The following RFT1 variants were observed in gnomAD, a reference collection of about 807,000 sequenced individuals.
RFT1 encodes RFT1 glycolipid translocator homolog.
In RFT1, 43 loss-of-function variants were observed where a neutral mutation model predicts 62.2. That is an observed-to-expected ratio of 0.69 (90% confidence interval 0.54 to 0.89). RFT1 has a LOEUF of 0.89. RFT1 is among the 40% of genes least tolerant of loss of function. The pLI is 0.00. For missense variants in RFT1, 605 were observed against 649.9 expected (o/e 0.93, Z 0.75); for synonymous variants, 262 against 264.6 (o/e 0.99, Z 0.10).
At chr3:53,121,642 GA>G (rs1701970671) in intron 5 of RFT1, 56 bp downstream of exon 5, 4 of 1,397,964 alleles carry the variant, frequency 2.9e-6, no homozygotes, top group Non-Finnish European at 4.0e-6. Flanking sequence ...GGAACAAGAA[GA>G]AAAACCAGTT....
the RFT1 span, among the ~76,000 whole-genome samples, chr3:53,069,042 C>A: frequency 1.1e-4 from 16 of 152,216 alleles, no homozygotes; most frequent in African/African-American, 3.6e-4. Flanking sequence ...CAGGTTCATG[C>A]GATTCTCCTG....
At chr3:53,081,458 T>G in the RFT1 span, among the ~76,000 whole-genome samples, 2 of 152,268 alleles carry the variant, frequency 1.3e-5, no homozygotes, top group East Asian at 3.9e-4. Context: ...GTGGGTCAAG[T>G]GGACACCCAG....
chr3:53,067,644 G>A, the RFT1 span, among the ~76,000 whole-genome samples: 30 of 152,198 alleles, frequency 2.0e-4, no homozygotes, highest in Admixed American at 5.2e-4. Context: ...CCGAATGTAA[G>A]TTACTCCTCA....
chr3:53,113,222 G>A (rs529434132), intron 6 of RFT1, among the ~76,000 whole-genome samples: 94 of 152,182 alleles, frequency 6.2e-4, no homozygotes, highest in African/African-American at 2.2e-3. Context: ...TTGCTGCATT[G>A]CCCAGGCTGG....
rs566921748 is a variant in RFT1, at chr3:53,120,386, A to G, written c.559-365T>C. The stretch of plus-strand genomic sequence containing the variant: ...CCTAGTCAGCACCCTGCAAAGATCT[A>G]TGTATCCTAACTGTGTTAATATCCA... On this transcript the variant is annotated intron_variant, in intron 5 of 12. Transcript: ENST00000296292. Among the ~76,000 whole-genome samples, 26 of 152,374 alleles carry G rather than the reference A, an allele frequency of 1.7e-4. No individual in the cohort carries two copies. The East Asian group carries it at 4.6e-3, about 27-fold the overall frequency.
the RFT1 span, among the ~76,000 whole-genome samples, chr3:53,069,160 G>A: frequency 0.011 from 1,726 of 152,192 alleles, 29 homozygotes; most frequent in African/African-American, 0.039. Context: ...GACTGGTCTC[G>A]AACTTCTGAC....
At chr3:53,081,069 C>T in the RFT1 span, among the ~76,000 whole-genome samples, 1 of 152,234 alleles carries the variant, frequency 6.6e-6, no homozygotes, top group Non-Finnish European at 1.5e-5. Flanking sequence ...AGGCGAGTGC[C>T]TCCCTGGCTG....
chr3:53,099,269 T>C, intron 11 of RFT1, 112 bp downstream of exon 11: 1 of 851,336 alleles, frequency 1.2e-6, no homozygotes, highest in East Asian at 2.6e-5. Flanking sequence ...AAGTGTTGCC[T>C]CTAAAACAGC....
chr3:53,122,331 CTTATTCT>C (rs1409175441), intron 4 of RFT1, 36 bp downstream of exon 4: 4 of 1,584,294 alleles, frequency 2.5e-6, no homozygotes, highest in Non-Finnish European at 3.5e-6. Flanking sequence ...AACGCTTTTT[CTTATTCT>C]TCCCATTTCC....
chr3:53,087,740 C>A (rs1333569704), downstream of RFT1, among the ~76,000 whole-genome samples: 4 of 152,116 alleles, frequency 2.6e-5, no homozygotes, highest in African/African-American at 9.7e-5. Context: ...AGGTTGGTCT[C>A]AAAATCCCGG....
chr3:53,111,738 TG>T, intron 7 of RFT1, 91 bp downstream of exon 7: 1 of 1,055,336 alleles, frequency 9.5e-7, no homozygotes, highest in Non-Finnish European at 1.5e-6. Flanking sequence ...CCAGAGGCTC[TG>T]GACAGGTGGT....
At chr3:53,120,876 C>T (rs1391542261) in intron 5 of RFT1, among the ~76,000 whole-genome samples, 1 of 152,216 alleles carries the variant, frequency 6.6e-6, no homozygotes, top group Non-Finnish European at 1.5e-5. Flanking sequence ...ATGCCTGAGA[C>T]AAAGCCCATC....
chr3:53,102,214 A>AG (rs1262138042), intron 10 of RFT1, among the ~76,000 whole-genome samples: 13 of 152,368 alleles, frequency 8.5e-5, no homozygotes, highest in Non-Finnish European at 1.9e-4. Flanking sequence ...ATTAGCAACT[A>AG]GAAGAGGTAG....
chr3:53,090,015 T>C lies in RFT1; in HGVS notation c.*1888A>G, dbSNP rs1211561324. On this transcript the variant is annotated 3_prime_UTR_variant, in exon 13 of 13. Transcript: ENST00000296292. ...CTGGGCCTGTCACGAAGGAAGACAATGGGGCATGCCAACCTTGGTGGCATC... is the reference window on the plus strand; with the variant it reads ...CTGGGCCTGTCACGAAGGAAGACAACGGGGCATGCCAACCTTGGTGGCATC... 6.6e-6 allele frequency: 1 copy of C among 152,594 alleles called. No homozygotes were observed. The highest frequency in any genetic ancestry group is 1.9e-4 in the East Asian group (1 of 5,184). 9.5% of individuals were successfully genotyped at this position (152,594 alleles called of 1,614,324 possible).
chr3:53,093,600 A>G (rs1701057257), intron 11 of RFT1, among the ~76,000 whole-genome samples: 1 of 152,154 alleles, frequency 6.6e-6, no homozygotes, highest in Non-Finnish European at 1.5e-5. Context: ...GATTCTGCAC[A>G]TGAGGGGTCG....
the RFT1 span, among the ~76,000 whole-genome samples, chr3:53,075,454 C>A: frequency 2.0e-5 from 3 of 152,190 alleles, no homozygotes; most frequent in East Asian, 5.8e-4. Flanking sequence ...TGAGGTACAG[C>A]CTCTGGCATG....
Position 53,126,008 on chromosome 3 carries a change from G to C in RFT1, c.64-14C>G, listed in dbSNP as rs78419624. The C allele has an allele frequency of 6.3e-7, 1 of 1,586,572 alleles. No homozygotes were observed. Among genetic ancestry groups the C allele is most frequent in the African/African-American group, 1.3e-5 (1 of 74,382 alleles). ...CCGAAACAACACCTATAGAAAAAGA[G>C]GAAAAATACGTAAGAATAAATGACG... On this transcript the variant is annotated splice_polypyrimidine_tract_variant and intron_variant, in intron 1 of 12. Coordinates refer to ENST00000296292, the MANE Select transcript of RFT1 (RefSeq NM_052859.4).
intron 7 of RFT1, 31 bp from the exon 8 acceptor site, chr3:53,106,900 T>C (rs763598543): frequency 9.1e-5 from 138 of 1,520,048 alleles, no homozygotes; most frequent in Non-Finnish European, 1.2e-4. Context: ...TAATTAGCAA[T>C]GTCAAATGCA....
intron 6 of RFT1, among the ~76,000 whole-genome samples, chr3:53,116,406 G>C (rs941657911): frequency 2.0e-5 from 3 of 150,660 alleles, no homozygotes; most frequent in African/African-American, 7.3e-5. Flanking sequence ...TGATCCTCCT[G>C]CCTCAGCCTC....
Sources: allele counts gnomAD v4.1 joint callset (sites outside exome capture counted in the v4.1 genomes callset), GRCh38; gene constraint gnomAD v4.1.1; transcripts MANE v1.5; gene names NCBI Gene and HGNC (gene_info 2026-07-23, HGNC 2026-07-21).